Variants in PDE8A observed in about 807,000 individuals in gnomAD.
The protein encoded by PDE8A is phosphodiesterase 8A.
Under a neutral mutation model 105.0 loss-of-function variants are expected in PDE8A, and 59 were observed. The observed-to-expected ratio is 0.56, with a 90% confidence interval of 0.46 to 0.70. The LOEUF (loss-of-function observed/expected upper bound fraction) is 0.70, where lower values mean the gene tolerates loss of function less well. PDE8A is among the 30% of genes least tolerant of loss of function. The pLI is 0.00. For missense variants in PDE8A, 1,014 were observed against 1,045.9 expected, an observed-to-expected ratio of 0.97 and a Z score of 0.42; for synonymous variants, 355 against 371.9, an observed-to-expected ratio of 0.95 and a Z score of 0.52.
At chr15:85,043,447 G>A (rs77384300) in intron 1 of PDE8A, among the ~76,000 whole-genome samples, 2,926 of 152,212 alleles carry the variant, frequency 0.019, 42 homozygotes, top group Non-Finnish European at 0.029. Flanking sequence ...TGGATTTGAG[G>A]ATCCTCAGAT....
Position 85,123,170 on chromosome 15 carries a change from T to C in PDE8A, c.2062T>C (p.Leu688=). The C allele has an allele frequency of 6.2e-7, 1 of 1,614,048 alleles. No homozygotes were observed. ...NKFVNSINKP[L]ATLEENGETD... ...ATTTGTCAACAGCATCAACAAACCC[T>C]TGGCAACACTAGAAGAAAATGGGGT... The change falls in exon 19 of 22, where the codon TTG becomes CTG. Residue 688 remains leucine (L), a synonymous_variant. Transcript: ENST00000394553.
rs558475214 is a variant in PDE8A at position 85,078,127 on chromosome 15, C to A, written c.546+1340C>A. Among the ~76,000 whole-genome samples the A allele has an allele frequency of 2.9e-5, 4 of 139,660 alleles. 1 individual carries two copies. Among genetic ancestry groups the A allele is most frequent in the African/African-American group, 1.1e-4 (4 of 36,306 alleles). 91.6% of individuals were successfully genotyped at this position (139,660 alleles called of 152,430 possible). Reference sequence around the variant, plus strand: ...AAGTAGAGTAAATTTTAAAAGAGGACACATCCTAGTGAAACTGCAAAAAAA... The same window carrying A: ...AAGTAGAGTAAATTTTAAAAGAGGAAACATCCTAGTGAAACTGCAAAAAAA... On this transcript the variant is annotated intron_variant, in intron 5 of 21. Transcript: ENST00000394553.
chr15:85,128,540 A>G (rs2082289651), intron 20 of PDE8A, among the ~76,000 whole-genome samples: 1 of 152,180 alleles, frequency 6.6e-6, no homozygotes, highest in Non-Finnish European at 1.5e-5. Flanking sequence ...AATTTGATAA[A>G]TTAGACTTCT....
Position 85,100,041 on chromosome 15 carries a change from T to A in PDE8A, c.968T>A (p.Ile323Asn). The A allele has an allele frequency of 6.2e-7, 1 of 1,613,620 alleles. No individual in the cohort carries two copies. The highest frequency in any genetic ancestry group is 8.5e-7 in the Non-Finnish European group (1 of 1,179,720). ...AAAATTAGACACTATGTGTCCATTATCAGAGTGTGCAATGGCAACAATAAG... is the reference window on the plus strand; with the variant it reads ...AAAATTAGACACTATGTGTCCATTAACAGAGTGTGCAATGGCAACAATAAG... ...GGKIRHYVSI[I>N]RVCNGNNKAE... The change falls in exon 10 of 22, where the codon ATC (isoleucine) becomes AAC (asparagine). Residue 323 changes from isoleucine (I) to asparagine (N), a missense_variant. Physicochemically the swap from Ile to Asn is moderately radical, Grantham distance 149 (BLOSUM62 -3). Transcript: ENST00000394553.
intron 1 of PDE8A, among the ~76,000 whole-genome samples, chr15:84,992,237 G>A (rs2079897417): frequency 1.3e-5 from 2 of 152,122 alleles, no homozygotes; most frequent in Admixed American, 6.5e-5. Flanking sequence ...GGGATGGATT[G>A]TGGAGGCAAG....
Position 85,092,115 on chromosome 15 carries a change from T to A in PDE8A, c.852+934T>A, listed in dbSNP as rs139216065. On this transcript the variant is annotated intron_variant, in intron 8 of 21. Coordinates refer to ENST00000394553, the MANE Select transcript of PDE8A (RefSeq NM_002605.3). ...GCAGGGTGCTGTGCAAAGCTTATAC[T>A]CCGCTCATCTTGGACCCCATGAAGA... Among the ~76,000 whole-genome samples, 422 of 152,138 alleles carry A rather than the reference T, an allele frequency of 2.8e-3. 2 individuals carry two copies. Among genetic ancestry groups the A allele is most frequent in the African/African-American group, 9.8e-3 (408 of 41,506 alleles).
chr15:85,106,457 G>T (rs965630328), intron 11 of PDE8A, among the ~76,000 whole-genome samples: 9 of 151,424 alleles, frequency 5.9e-5, no homozygotes, highest in African/African-American at 2.2e-4. Flanking sequence ...CACATGGTGG[G>T]TGAAGGTTTG....
chr15:85,047,356 C>T (rs1489712952), intron 1 of PDE8A, among the ~76,000 whole-genome samples: 1 of 152,166 alleles, frequency 6.6e-6, no homozygotes, highest in Non-Finnish European at 1.5e-5. Flanking sequence ...GACGTCTGCT[C>T]ACTGAGTAAT....
chr15:85,068,564 T>G (rs910978705), intron 3 of PDE8A, among the ~76,000 whole-genome samples: 3 of 150,352 alleles, frequency 2.0e-5, no homozygotes, highest in Non-Finnish European at 4.5e-5. Flanking sequence ...CAGTATCCCT[T>G]TTATCCCTAA....
chr15:85,034,166 A>T (rs2080664138), intron 1 of PDE8A, among the ~76,000 whole-genome samples: 1 of 152,232 alleles, frequency 6.6e-6, no homozygotes, highest in Non-Finnish European at 1.5e-5. Flanking sequence ...TCATGGGAGG[A>T]CACTGGAGCA....
chr15:85,061,414 A>G (rs1467237036), intron 1 of PDE8A, among the ~76,000 whole-genome samples: 1 of 149,736 alleles, frequency 6.7e-6, no homozygotes, highest in Admixed American at 6.6e-5. Context: ...TTTTTTTTGT[A>G]TTTTTAGTAG....
intron 1 of PDE8A, chr15:85,063,703 G>A (rs897647913): frequency 6.6e-6 from 1 of 152,206 alleles, no homozygotes; most frequent in Non-Finnish European, 1.5e-5. Context: ...GAAATAACAT[G>A]TGCAGCCCTT....
chr15:85,130,189 C>G (rs1311376935), intron 20 of PDE8A, among the ~76,000 whole-genome samples: 1 of 152,134 alleles, frequency 6.6e-6, no homozygotes, highest in Non-Finnish European at 1.5e-5. Flanking sequence ...AAACTCAGAG[C>G]AAGATCTCTC....
intron 6 of PDE8A, among the ~76,000 whole-genome samples, chr15:85,086,644 TA>T (rs922260823): frequency 6.6e-6 from 1 of 152,086 alleles, no homozygotes; most frequent in Admixed American, 6.6e-5. Flanking sequence ...CTGCGAAAGT[TA>T]AAAAAAAGTA....
intron 2 of PDE8A, among the ~76,000 whole-genome samples, chr15:85,065,795 G>A (rs1306875539): frequency 1.3e-5 from 2 of 152,212 alleles, no homozygotes; most frequent in African/African-American, 4.8e-5. Flanking sequence ...CAGATTGGGA[G>A]TGGGAATAGC....
chr15:85,038,749 C>T (rs1188902943), intron 1 of PDE8A, among the ~76,000 whole-genome samples: 2 of 152,148 alleles, frequency 1.3e-5, no homozygotes, highest in African/African-American at 4.8e-5. Flanking sequence ...TGCTCAACAC[C>T]TCTAATCATC....
At chr15:85,090,767 C>T (rs2081629284) in intron 7 of PDE8A, 1 of 506,638 alleles carries the variant, frequency 2.0e-6, no homozygotes, top group African/African-American at 1.9e-5. Flanking sequence ...CCTTCCTCTG[C>T]CCCTGTTGAA....
intron 2 of PDE8A, among the ~76,000 whole-genome samples, chr15:85,065,702 C>T (rs2081213318): frequency 6.6e-6 from 1 of 152,232 alleles, no homozygotes; most frequent in African/African-American, 2.4e-5. Flanking sequence ...CAGTCTGTTT[C>T]ACAGGCTGCC....
intron 1 of PDE8A, among the ~76,000 whole-genome samples, chr15:85,004,553 T>C (rs989483848): frequency 6.6e-6 from 1 of 152,242 alleles, no homozygotes; most frequent in Non-Finnish European, 1.5e-5. Context: ...GACCCTGGAC[T>C]CTGCGTTAGC....
Sources: gnomAD v4.1 joint callset for allele counts (sites outside exome capture counted in the v4.1 genomes callset) on GRCh38, gnomAD v4.1.1 for gene constraint, MANE v1.5 for transcripts, NCBI Gene and HGNC (gene_info 2026-07-23, HGNC 2026-07-21) for gene names.